The following SYT16 variants were observed in gnomAD, a reference collection of about 807,000 sequenced individuals.
SYT16 encodes synaptotagmin-16.
A neutral mutation model predicts 61.4 loss-of-function variants in SYT16; 42 were observed. The observed-to-expected ratio is 0.68, with a 90% CI of 0.53 to 0.89. SYT16 has a LOEUF of 0.89. Ranked by LOEUF, SYT16 falls within the 40% of genes least tolerant of loss-of-function variation. The pLI is 0.00. For missense variants in SYT16, 804 were observed against 807.3 expected, an observed-to-expected ratio of 1.00 and a Z score of 0.05; for synonymous variants, 314 against 302.3, an observed-to-expected ratio of 1.04 and a Z score of -0.40.
At chr14:61,880,016 A>G (rs1456420667) in intron 1 of SYT16, among the ~76,000 whole-genome samples, 1 of 152,204 alleles carries the variant, frequency 6.6e-6, no homozygotes, top group Admixed American at 6.5e-5. Flanking sequence ...CATGCCTATC[A>G]TCGAATCCAG....
At chr14:62,072,186 T>C (rs145715283) in intron 4 of SYT16, among the ~76,000 whole-genome samples, 315 of 152,332 alleles carry the variant, frequency 2.1e-3, no homozygotes, top group Non-Finnish European at 3.0e-3. Context: ...ATAGTTATTC[T>C]GAGGATATTT....
chr14:62,027,348 C>T (rs1198646816), intron 3 of SYT16, among the ~76,000 whole-genome samples: 2 of 152,100 alleles, frequency 1.3e-5, no homozygotes, highest in Non-Finnish European at 2.9e-5. Context: ...TGGCTGTAGC[C>T]ATCTCAGAAG....
At chr14:62,008,747 T>C (rs1034702105) in intron 3 of SYT16, among the ~76,000 whole-genome samples, 1 of 152,086 alleles carries the variant, frequency 6.6e-6, no homozygotes, top group Non-Finnish European at 1.5e-5. Flanking sequence ...TTTTGCAACT[T>C]TTTTCCTTCC....
chr14:61,836,226 G>T (rs1474721588), intron 1 of SYT16, among the ~76,000 whole-genome samples: 7 of 152,168 alleles, frequency 4.6e-5, no homozygotes, highest in African/African-American at 1.7e-4. Context: ...ATTCCTGGGG[G>T]TTGATTTCTC....
intron 3 of SYT16, among the ~76,000 whole-genome samples, chr14:62,002,934 G>C (rs757560794): frequency 6.6e-6 from 1 of 152,080 alleles, no homozygotes; most frequent in Non-Finnish European, 1.5e-5. Flanking sequence ...AGAAGAATGA[G>C]AGCTGAGTAA....
intron 3 of SYT16, among the ~76,000 whole-genome samples, chr14:62,061,984 G>T (rs1388317392): frequency 6.6e-6 from 1 of 152,100 alleles, no homozygotes; most frequent in African/African-American, 2.4e-5. Context: ...TACTTGTAGA[G>T]GGGTTAGTTT....
At chr14:62,010,558 G>A (rs1349308232) in intron 3 of SYT16, among the ~76,000 whole-genome samples, 1 of 152,000 alleles carries the variant, frequency 6.6e-6, no homozygotes, top group East Asian at 1.9e-4. Flanking sequence ...TCTGGTCATC[G>A]GTAATACCAT....
chr14:61,865,035 G>A, intron 1 of SYT16: 2 of 1,411,342 alleles, frequency 1.4e-6, no homozygotes, highest in South Asian at 2.3e-5. Flanking sequence ...CATTTCTGCT[G>A]TATTCGGCTG....
At chr14:61,874,723 G>A (rs950673539) in intron 1 of SYT16, among the ~76,000 whole-genome samples, 66 of 151,870 alleles carry the variant, frequency 4.3e-4, no homozygotes, top group African/African-American at 1.5e-3. Flanking sequence ...GTATTAAATA[G>A]GCTAGTTTTA....
intron 1 of SYT16, among the ~76,000 whole-genome samples, chr14:61,964,961 C>T (rs1223509308): frequency 1.3e-5 from 2 of 151,434 alleles, no homozygotes; most frequent in South Asian, 2.1e-4. Context: ...TTAAAGATAT[C>T]CTGCTATTGC....
At chr14:62,029,851 TG>T (rs1231902468) in intron 3 of SYT16, among the ~76,000 whole-genome samples, 1 of 152,184 alleles carries the variant, frequency 6.6e-6, no homozygotes, top group Non-Finnish European at 1.5e-5. Flanking sequence ...TCTGTGTGTA[TG>T]TGTGTGTACA....
intron 1 of SYT16, among the ~76,000 whole-genome samples, chr14:61,910,833 G>T (rs764089840): frequency 4.2e-4 from 64 of 152,166 alleles, no homozygotes; most frequent in Non-Finnish European, 7.8e-4. Context: ...CCGGCCATAT[G>T]CTGTCTTTAA....
chr14:62,061,741 A>G (rs2055835089), intron 3 of SYT16, among the ~76,000 whole-genome samples: 1 of 152,158 alleles, frequency 6.6e-6, no homozygotes, highest in Admixed American at 6.5e-5. Context: ...TTCAAAATAC[A>G]TGGAGGAAGA....
chr14:61,892,721 AC>A (rs2048180709), intron 1 of SYT16, among the ~76,000 whole-genome samples: 1 of 152,102 alleles, frequency 6.6e-6, no homozygotes, highest in Admixed American at 6.5e-5. Context: ...AACCATGTGG[AC>A]TGAAGTTCAG....
In SYT16 at chr14:62,081,005, C is replaced by G; in HGVS notation, c.1165C>G (p.Gln389Glu). The G allele has an allele frequency of 1.2e-6, 2 of 1,613,254 alleles. No homozygotes were observed. Among genetic ancestry groups the G allele is most frequent in the African/African-American group, 2.7e-5 (2 of 75,006 alleles). ...DKDRSGVNSW[Q>E]VHVVLLPGKK... ...GGACCGAAGTGGTGTCAACTCCTGG[C>G]AAGTTCATGTAGTGCTGCTGCCTGG... The change falls in exon 6 of 8, where the codon CAA becomes GAA. Residue 389 changes from glutamine (Q) to glutamate (E), a missense_variant. By Grantham distance (29) the Gln-to-Glu change is conservative. Transcript: ENST00000683842.
In SYT16 at chr14:61,940,259, C is replaced by G. The variant is rs540968922; in HGVS notation, c.-324-29873C>G. Among the ~76,000 whole-genome samples the G allele has an allele frequency of 2.0e-5, 3 of 150,810 alleles. No individual in the cohort carries two copies. In the East Asian group the frequency reaches 5.8e-4, roughly 29 times the overall value. ...TATTTCTATTTTTTTTTTTCTGTTT[C>G]CATCTACTGGCTTAGGCTGATGCTT... On this transcript the variant is annotated intron_variant, in intron 1 of 7. Transcript: ENST00000683842.
intron 1 of SYT16, among the ~76,000 whole-genome samples, chr14:61,875,816 A>G (rs1400374226): frequency 2.0e-5 from 3 of 152,206 alleles, no homozygotes; most frequent in Non-Finnish European, 4.4e-5. Flanking sequence ...CCCAGAGGGA[A>G]CACTGGGTGA....
intron 3 of SYT16, among the ~76,000 whole-genome samples, chr14:62,039,990 G>A (rs558131063): frequency 4.6e-5 from 7 of 151,810 alleles, no homozygotes; most frequent in African/African-American, 1.7e-4. Context: ...CACGGAGGGT[G>A]TTGAAAGCAG....
chr14:62,095,708 C>T (rs949224629), intron 7 of SYT16, among the ~76,000 whole-genome samples: 1 of 151,708 alleles, frequency 6.6e-6, no homozygotes, highest in African/African-American at 2.4e-5. Context: ...AGTACAATAC[C>T]AAGTAGAATC....
Sources: gnomAD v4.1 joint callset for allele counts (sites outside exome capture counted in the v4.1 genomes callset) on GRCh38, gnomAD v4.1.1 for gene constraint, MANE v1.5 for transcripts, NCBI Gene and HGNC (gene_info 2026-07-23, HGNC 2026-07-21) for gene names.